The following ALDH1L2 variants were observed in gnomAD, a reference collection of about 807,000 sequenced individuals.
The protein encoded by ALDH1L2 is aldehyde dehydrogenase 1 family member L2.
A neutral mutation model predicts 111.0 loss-of-function variants in ALDH1L2; 91 were observed. The observed-to-expected ratio is 0.82, with a 90% CI of 0.69 to 0.98. The LOEUF is 0.98. Ranked by LOEUF, ALDH1L2 falls within the 50% of genes least tolerant of loss-of-function variation. ALDH1L2 has a pLI of 0.00. For missense variants in ALDH1L2, 995 were observed against 1,126.8 expected (o/e 0.88, Z 1.67); for synonymous variants, 374 against 392.6 (o/e 0.95, Z 0.56).
intron 15 of ALDH1L2, among the ~76,000 whole-genome samples, chr12:105,041,998 A>G (rs1244803712): frequency 6.6e-6 from 1 of 152,226 alleles, no homozygotes; most frequent in African/African-American, 2.4e-5. Context: ...TTTAGAAACC[A>G]AGATATCTGG....
chr12:105,051,897 G>A (rs1356034880), intron 12 of ALDH1L2, among the ~76,000 whole-genome samples, 193 bp downstream of exon 12: 1 of 149,164 alleles, frequency 6.7e-6, no homozygotes, highest in East Asian at 2.0e-4. Flanking sequence ...CAATTCTTCT[G>A]CCTCAGCTTC....
In ALDH1L2 at chr12:105,030,422, GA is replaced by G; in HGVS notation, c.2417del (p.Phe806SerfsTer59). ...CATCTGTGAACACGGTCGGCTCCAT[GA>G]AAAAGCCTTTTTGGAAAAAACAAAG... ...GGRQVQRPGF[F>X]MEPTVFTDVE... On this transcript the variant is annotated frameshift_variant, in exon 21 of 23. Transcript: ENST00000258494. LOFTEE classifies it high-confidence loss of function. The G allele has an allele frequency of 1.2e-6, 2 of 1,602,552 alleles. No individual in the cohort carries two copies. Among genetic ancestry groups the G allele is most frequent in the South Asian group, 1.1e-5 (1 of 88,208 alleles).
In ALDH1L2 at chr12:105,022,092, CTA is replaced by C. The variant is rs1292894379; in HGVS notation, c.*2330_*2331del. On this transcript the variant is annotated 3_prime_UTR_variant, in exon 23 of 23. Coordinates refer to ENST00000258494, the MANE Select transcript of ALDH1L2 (RefSeq NM_001034173.4). Reference sequence around the variant, plus strand: ...AAGCAACAGCGATGATTTTATTACTCTATGTGTTAAGTAAATCACCTAGCAGG... The same window carrying C: ...AAGCAACAGCGATGATTTTATTACTCTGTGTTAAGTAAATCACCTAGCAGG... The C allele has an allele frequency of 3.9e-5, 6 of 152,148 alleles. No homozygotes were observed. The highest frequency in any genetic ancestry group is 7.3e-5 in the Non-Finnish European group (5 of 68,032). 9.4% of individuals were successfully genotyped at this position (152,148 alleles called of 1,614,324 possible). A position where few individuals can be genotyped will look rare whatever the true frequency, so the allele number is the denominator to read the frequency against.
chr12:105,029,123 G>T (rs1253133446), intron 21 of ALDH1L2, among the ~76,000 whole-genome samples: 2 of 151,342 alleles, frequency 1.3e-5, no homozygotes, highest in Admixed American at 1.3e-4. Flanking sequence ...ATCTCCTTGG[G>T]CTCAAGTGAT....
chr12:105,030,281 T>C (rs763195752), intron 21 of ALDH1L2, 43 bp downstream of exon 21: 5 of 1,525,278 alleles, frequency 3.3e-6, no homozygotes, highest in Non-Finnish European at 4.5e-6. Context: ...AAAAATGACT[T>C]ATCTAGTCAA....
At chr12:105,024,626 C>A in intron 22 of ALDH1L2, 147 bp from the exon 23 acceptor site, 1 of 747,428 alleles carries the variant, frequency 1.3e-6, no homozygotes, top group Non-Finnish European at 2.2e-6. Flanking sequence ...CTTTGAAGTT[C>A]ATACTAACCA....
intron 18 of ALDH1L2, among the ~76,000 whole-genome samples, chr12:105,035,837 A>ATGTGTGTGTGTG (rs758853950): frequency 2.1e-5 from 2 of 95,666 alleles, no homozygotes; most frequent in Admixed American, 9.8e-5. Context: ...ATATATATAT[A>ATGTGTGTGTGTG]TATGTGTGTG....
intron 18 of ALDH1L2, among the ~76,000 whole-genome samples, chr12:105,036,540 A>ATG (rs1231464284): frequency 7.0e-5 from 3 of 42,676 alleles, no homozygotes; most frequent in African/African-American, 2.9e-4. Context: ...ATATATATAT[A>ATG]TATATATATA....
intron 17 of ALDH1L2, among the ~76,000 whole-genome samples, chr12:105,039,350 A>T (rs531451510): frequency 6.6e-6 from 1 of 152,336 alleles, no homozygotes; most frequent in East Asian, 1.9e-4. Flanking sequence ...CTCCATTTAT[A>T]AATAATCCAG....
intron 6 of ALDH1L2, 113 bp from the exon 7 acceptor site, chr12:105,063,135 A>T: frequency 8.2e-7 from 1 of 1,225,032 alleles, no homozygotes; most frequent in East Asian, 2.8e-5. Flanking sequence ...CATCTGTAAT[A>T]AAATTGAGAC....
At chr12:105,083,431 G>C (rs911623088) in intron 1 of ALDH1L2, among the ~76,000 whole-genome samples, 17 of 151,492 alleles carry the variant, frequency 1.1e-4, no homozygotes, top group African/African-American at 2.9e-4. Context: ...CTGGGATACA[G>C]AAAGCTTTTC....
chr12:105,034,636 T>TA (rs1046589085), intron 18 of ALDH1L2, among the ~76,000 whole-genome samples: 6 of 152,132 alleles, frequency 3.9e-5, no homozygotes, highest in Non-Finnish European at 4.4e-5. Flanking sequence ...AGCATTTTTT[T>TA]AAAAAAATGT....
chr12:105,050,288 A>ATC, intron 12 of ALDH1L2: 1 of 324,954 alleles, frequency 3.1e-6, no homozygotes, highest in Non-Finnish European at 5.5e-6. Flanking sequence ...AAGCATATAT[A>ATC]ACTTGCCTCA....
chr12:105,077,488 A>G (rs1231542115), intron 1 of ALDH1L2, among the ~76,000 whole-genome samples: 1 of 150,898 alleles, frequency 6.6e-6, no homozygotes, highest in South Asian at 2.1e-4. Context: ...CGTGTTGCCC[A>G]GGCTGGTCTC....
chr12:105,022,333 A>G lies in ALDH1L2; in HGVS notation c.*2091T>C, dbSNP rs1874203767. The G allele has an allele frequency of 6.6e-6, 1 of 152,228 alleles. No homozygotes were observed. The highest frequency in any genetic ancestry group is 2.4e-5 in the African/African-American group (1 of 41,462). 9.4% of individuals were successfully genotyped at this position (152,228 alleles called of 1,614,324 possible). Reference sequence around the variant, plus strand: ...TACTTGCAGAATTGTGTGTGTGCACATGAATTTTGGGGGTAGAAGCGGGAC... The same window carrying G: ...TACTTGCAGAATTGTGTGTGTGCACGTGAATTTTGGGGGTAGAAGCGGGAC... On this transcript the variant is annotated 3_prime_UTR_variant, in exon 23 of 23. Transcript: ENST00000258494.
At chr12:105,084,060 G>A (rs1878463023) in intron 1 of ALDH1L2, among the ~76,000 whole-genome samples, 1 of 152,090 alleles carries the variant, frequency 6.6e-6, no homozygotes, top group South Asian at 2.1e-4. Flanking sequence ...AAAAAGGAAA[G>A]GAAGCAGACT....
intron 3 of ALDH1L2, among the ~76,000 whole-genome samples, chr12:105,070,113 T>C (rs1877590893): frequency 6.6e-6 from 1 of 152,232 alleles, no homozygotes; most frequent in South Asian, 2.1e-4. Context: ...AAAGCCCGTA[T>C]TAATAGCTCA....
intron 10 of ALDH1L2, among the ~76,000 whole-genome samples, chr12:105,054,881 G>A (rs1407436480): frequency 6.6e-6 from 1 of 152,140 alleles, no homozygotes; most frequent in East Asian, 1.9e-4. Context: ...CTGACTCAGA[G>A]CTTGTTATGC....
chr12:105,034,324 G>T lies in ALDH1L2; in HGVS notation c.2220C>A (p.Ile740=), dbSNP rs772660154. Reference sequence around the variant, plus strand: ...CCACTCTTGTCACAAATTCGTCGTGGATGGATTCTTCCACGAACAACCGCC... The same window carrying T: ...CCACTCTTGTCACAAATTCGTCGTGTATGGATTCTTCCACGAACAACCGCC... ...AAGRLFVEES[I]HDEFVTRVVE... The change falls in exon 19 of 23, where the codon ATC becomes ATA. Residue 740 remains isoleucine (I), a synonymous_variant. Transcript: ENST00000258494. The T allele has an allele frequency of 1.9e-6, 3 of 1,613,982 alleles. No homozygotes were observed. The highest frequency in any genetic ancestry group is 1.3e-5 in the African/African-American group (1 of 74,994).
Sources: gnomAD v4.1 joint callset for allele counts (sites outside exome capture counted in the v4.1 genomes callset) on GRCh38, gnomAD v4.1.1 for gene constraint, MANE v1.5 for transcripts, NCBI Gene and HGNC (gene_info 2026-07-23, HGNC 2026-07-21) for gene names.